HCFC2: variants seen among roughly 807,000 people sequenced by gnomAD.
HCFC2 encodes host cell factor 2.
Under a neutral mutation model 89.2 loss-of-function variants are expected in HCFC2, and 18 were observed. The observed-to-expected ratio is 0.20, with a 90% CI of 0.14 to 0.30. The LOEUF is 0.30. HCFC2 is among the 10% of genes least tolerant of loss of function. The probability of loss-of-function intolerance (pLI) is 1.00; values close to 1 mark genes in which losing one functional copy is unlikely to be tolerated. For synonymous variants in HCFC2, 308 were observed against 335.7 expected, an observed-to-expected ratio of 0.92 and a Z score of 0.90; for missense variants, 578 against 956.1, an observed-to-expected ratio of 0.60 and a Z score of 5.21.
chr12:104,082,716 C>T lies in HCFC2; in HGVS notation c.878C>T (p.Thr293Ile). The T allele has an allele frequency of 6.2e-7, 1 of 1,610,274 alleles. No homozygotes were observed. The highest frequency in any genetic ancestry group is 8.5e-7 in the Non-Finnish European group (1 of 1,178,502). ...TSSFSYLNLD[T>I]TEWTTLVSDS... ...ATGGATATTTCTATCTTTTCAGATA[C>T]AACAGAGTGGACCACCCTAGTATCA... Residue 293 changes from threonine (T) to isoleucine (I), a missense_variant, in exon 7 of 15, where the codon ACA becomes ATA. Physicochemically the swap from Thr to Ile is moderately conservative, Grantham distance 89. This residue lies in a region of HCFC2 where 206 missense variants were observed against 419.2 expected (regional missense o/e 0.49). Coordinates refer to ENST00000229330, the MANE Select transcript of HCFC2 (RefSeq NM_013320.3).
At chr12:104,067,066 G>A (rs1398292903) in intron 2 of HCFC2, among the ~76,000 whole-genome samples, 2 of 152,146 alleles carry the variant, frequency 1.3e-5, no homozygotes, top group African/African-American at 2.4e-5. Context: ...GGGATTAGCC[G>A]ACGTGAGCCA....
Position 104,064,771 on chromosome 12 carries a change from G to C in HCFC2, c.163+48G>C, listed in dbSNP as rs1326973059. 26 of 1,504,398 alleles carry C rather than the reference G, an allele frequency of 1.7e-5. No homozygotes were observed. The highest frequency in any genetic ancestry group is 2.4e-5 in the Admixed American group (1 of 41,564). The allele number at this position is 1,504,398 out of a possible 1,614,324, so 93.2% of individuals were successfully genotyped here. ...GGCCCCGCCTGCTGGAGCTGCGGAG[G>C]GGGAGGGGAGGCGAGGCGGCGGCCG... On this transcript the variant is annotated intron_variant, in intron 1 of 14. Transcript: ENST00000229330. The surrounding 1 kb of genome is among the most constrained non-coding windows in gnomAD (Gnocchi z 7.3).
At position 104,105,700 on chromosome 12, in the gene HCFC2, T is replaced by C. The variant is rs1245997317; in HGVS notation, c.*2427T>C. 1 of 151,990 alleles carries C rather than the reference T, an allele frequency of 6.6e-6. No homozygotes were observed. Among genetic ancestry groups the C allele is most frequent in the African/African-American group, 2.4e-5 (1 of 41,410 alleles). The allele number at this position is 151,990 out of a possible 1,614,324, so 9.4% of individuals were successfully genotyped here. On this transcript the variant is annotated 3_prime_UTR_variant, in exon 15 of 15. Coordinates refer to ENST00000229330, the MANE Select transcript of HCFC2 (RefSeq NM_013320.3). ...CTGTGGCTTTGACATTAGTAGTTAA[T>C]AAGAGATCTTAGAGCTGTGTGCTGA... is the stretch of plus-strand genomic sequence containing the variant.
rs1883229915 is a variant in HCFC2 at position 104,068,893 on chromosome 12, G to A, written c.473+786G>A. Among the ~76,000 whole-genome samples the A allele has an allele frequency of 6.6e-6, 1 of 151,774 alleles. No homozygotes were observed. Among genetic ancestry groups the A allele is most frequent in the South Asian group, 2.1e-4 (1 of 4,828 alleles). On this transcript the variant is annotated intron_variant, in intron 3 of 14. Coordinates refer to ENST00000229330, the MANE Select transcript of HCFC2 (RefSeq NM_013320.3). The surrounding 1 kb of genome is among the most constrained non-coding windows in gnomAD (Gnocchi z 4.1). Reference sequence around the variant, plus strand: ...ATAAATTTTATTTGTGTAAATTTAAGGTATATAACATGATGGTATAAGATA... The same window carrying A: ...ATAAATTTTATTTGTGTAAATTTAAAGTATATAACATGATGGTATAAGATA...
chr12:104,099,526 A>G (rs1275316287), intron 13 of HCFC2, among the ~76,000 whole-genome samples: 1 of 152,080 alleles, frequency 6.6e-6, no homozygotes, highest in African/African-American at 2.4e-5. Flanking sequence ...GCTTGAGCCC[A>G]GGAGTTTGAG....
At chr12:104,088,144 T>C (rs1883920922) in intron 9 of HCFC2, 106 bp downstream of exon 9, 1 of 558,988 alleles carries the variant, frequency 1.8e-6, no homozygotes, top group Non-Finnish European at 3.0e-6. Context: ...TCCTTAATCC[T>C]GCCTGCACTT....
At chr12:104,073,429 C>G (rs2136599119) in intron 3 of HCFC2, among the ~76,000 whole-genome samples, 1 of 152,206 alleles carries the variant, frequency 6.6e-6, no homozygotes, top group African/African-American at 2.4e-5. Context: ...TCCCAAAGTG[C>G]TGGGATTACA....
Position 104,093,475 on chromosome 12 carries a change from G to A in HCFC2, c.1374G>A (p.Thr458=), listed in dbSNP as rs142462488. The A allele has an allele frequency of 1.6e-5, 26 of 1,612,948 alleles. No individual in the cohort carries two copies. The highest frequency in any genetic ancestry group is 6.6e-5 in the South Asian group (6 of 91,040). The part of the protein sequence containing the change: ...MKNKPDFKAL[T]DSNAILYPSL... ...ACAAACCAGACTTTAAAGCACTGAC[G>A]GATTCTAATGCCATTTTATATCCAT... Residue 458 remains threonine (T), a synonymous_variant, in exon 10 of 15, where the codon ACG becomes ACA. Coordinates refer to ENST00000229330, the MANE Select transcript of HCFC2 (RefSeq NM_013320.3).
rs12228125 is a variant in HCFC2 at position 104,073,109 on chromosome 12, T to G, written c.473+5002T>G. On this transcript the variant is annotated intron_variant, in intron 3 of 14. Transcript: ENST00000229330. ...TTTATTATTGTTGATTCTTAGGAGT[T>G]CTTTACATATATATATTTTTATATG... Among the ~76,000 whole-genome samples, 144 of 152,050 alleles carry G rather than the reference T, an allele frequency of 9.5e-4. 4 individuals are homozygous for G. The East Asian group carries it at 0.023, about 25-fold the overall frequency.
intron 14 of HCFC2, among the ~76,000 whole-genome samples, chr12:104,102,525 G>T (rs945663011): frequency 6.6e-6 from 1 of 152,070 alleles, no homozygotes; most frequent in Non-Finnish European, 1.5e-5. Flanking sequence ...ATGTGTCCAT[G>T]TGATTTCAAG....
chr12:104,080,468 G>A, intron 4 of HCFC2: 1 of 264,216 alleles, frequency 3.8e-6, no homozygotes, highest in Non-Finnish European at 7.2e-6. Flanking sequence ...GTGCAGTGCA[G>A]CCAAAGATTT....
At chr12:104,096,667 G>A (rs2136626897) in intron 12 of HCFC2, among the ~76,000 whole-genome samples, 1 of 152,192 alleles carries the variant, frequency 6.6e-6, no homozygotes, top group Non-Finnish European at 1.5e-5. Context: ...AATACATGCA[G>A]TTCATACATT....
chr12:104,079,424 A>AT, intron 3 of HCFC2, 21 bp from the exon 4 acceptor site: 3 of 1,560,766 alleles, frequency 1.9e-6, no homozygotes, highest in Non-Finnish European at 1.8e-6. Context: ...GAATGTTTTA[A>AT]TTTTTTCTAT....
intron 5 of HCFC2, among the ~76,000 whole-genome samples, chr12:104,081,106 C>G (rs1883669084): frequency 1.3e-5 from 2 of 152,186 alleles, no homozygotes; most frequent in Non-Finnish European, 2.9e-5. Flanking sequence ...CCAAACTAAT[C>G]ACCTAACTCA....
At position 104,103,374 on chromosome 12, in the gene HCFC2, C is replaced by A; in HGVS notation, c.*101C>A. ...GAGTATTCTCTGGCTGTATTTCCAGCAGTTATGAACTTGAGTTTGTAAATT... is the reference window on the plus strand; with the variant it reads ...GAGTATTCTCTGGCTGTATTTCCAGAAGTTATGAACTTGAGTTTGTAAATT... On this transcript the variant is annotated 3_prime_UTR_variant, in exon 15 of 15. Coordinates refer to ENST00000229330, the MANE Select transcript of HCFC2 (RefSeq NM_013320.3). 2 of 952,024 alleles carry A rather than the reference C, an allele frequency of 2.1e-6. No homozygotes were observed. The highest frequency in any genetic ancestry group is 1.7e-5 in the African/African-American group (1 of 60,254). 59.0% of individuals were successfully genotyped at this position (952,024 alleles called of 1,614,324 possible). A position where few individuals can be genotyped will look rare whatever the true frequency, so the allele number is the denominator to read the frequency against.
chr12:104,078,855 C>T (rs10129058), intron 3 of HCFC2, among the ~76,000 whole-genome samples: 3,357 of 152,186 alleles, frequency 0.022, 125 homozygotes, highest in African/African-American at 0.077. Context: ...TCTGATGCCT[C>T]AACTGCAACG....
At chr12:104,065,899 A>G (rs1043057990) in intron 1 of HCFC2, among the ~76,000 whole-genome samples, 1 of 152,080 alleles carries the variant, frequency 6.6e-6, no homozygotes, top group Non-Finnish European at 1.5e-5. Context: ...GGGCCAGGTA[A>G]TTCTTTGTTG....
At chr12:104,089,582 G>C (rs1055663853) in intron 9 of HCFC2, among the ~76,000 whole-genome samples, 1 of 152,094 alleles carries the variant, frequency 6.6e-6, no homozygotes, top group Non-Finnish European at 1.5e-5. Flanking sequence ...GTTGTTGAAG[G>C]GTCTACTTTT....
intron 3 of HCFC2, among the ~76,000 whole-genome samples, chr12:104,072,368 T>TA (rs35741120): frequency 2.2e-3 from 303 of 135,736 alleles, no homozygotes; most frequent in Middle Eastern, 3.9e-3. Flanking sequence ...CAAGACTGTT[T>TA]AAAAAAAAAA....
Sources: gnomAD v4.1 joint callset for allele counts (sites outside exome capture counted in the v4.1 genomes callset) on GRCh38, gnomAD v4.1.1 for gene constraint, gnomAD v4.1.1 regional missense constraint, Gnocchi (gnomAD v3.1) non-coding constraint, MANE v1.5 for transcripts, NCBI Gene and HGNC (gene_info 2026-07-23, HGNC 2026-07-21) for gene names.